The following NUDCD3 variants were observed in gnomAD, a reference collection of about 807,000 sequenced individuals.
NUDCD3 encodes the protein NudC domain containing 3.
NUDCD3 carries 13 observed loss-of-function variants against 39.7 expected under a neutral mutation model. The observed-to-expected ratio is 0.33, with a 90% CI of 0.21 to 0.52. The LOEUF (loss-of-function observed/expected upper bound fraction) is 0.52, where lower values mean the gene tolerates loss of function less well. Among genes scored for constraint, NUDCD3 ranks in the 20% least tolerant of loss-of-function variants. The probability of loss-of-function intolerance (pLI) is 0.96; values close to 1 mark genes in which losing one functional copy is unlikely to be tolerated. For missense variants in NUDCD3, 453 were observed against 458.1 expected (o/e 0.99, Z 0.10); for synonymous variants, 175 against 172.4 (o/e 1.02, Z -0.12).
chr7:44,418,725 C>G (rs931250577), intron 3 of NUDCD3, among the ~76,000 whole-genome samples: 1 of 151,962 alleles, frequency 6.6e-6, no homozygotes, highest in Non-Finnish European at 1.5e-5. Flanking sequence ...ACTGAGGTAC[C>G]CTGTTCATCT....
chr7:44,423,009 T>C (rs916407997), intron 3 of NUDCD3, among the ~76,000 whole-genome samples: 3 of 152,152 alleles, frequency 2.0e-5, no homozygotes, highest in Admixed American at 1.3e-4. Flanking sequence ...ATAAATGTAA[T>C]CCATCACATA....
chr7:44,453,636 T>C (rs899945216), intron 2 of NUDCD3, among the ~76,000 whole-genome samples: 1 of 152,052 alleles, frequency 6.6e-6, no homozygotes, highest in Non-Finnish European at 1.5e-5. Context: ...CAATCACAGA[T>C]CCAGGTAATA....
chr7:44,391,297 C>G (rs1798510385), intron 5 of NUDCD3, among the ~76,000 whole-genome samples: 1 of 152,190 alleles, frequency 6.6e-6, no homozygotes, highest in Admixed American at 6.5e-5. Flanking sequence ...GTTGACACTC[C>G]TCTCCGCAGG....
At chr7:44,389,318 C>T (rs943068633) in intron 5 of NUDCD3, among the ~76,000 whole-genome samples, 2 of 152,196 alleles carry the variant, frequency 1.3e-5, no homozygotes, top group African/African-American at 4.8e-5. Flanking sequence ...GTTGCCTCGG[C>T]TTACCTGGAA....
At chr7:44,409,282 T>C (rs1287302496) in intron 3 of NUDCD3, among the ~76,000 whole-genome samples, 2 of 152,192 alleles carry the variant, frequency 1.3e-5, no homozygotes, top group African/African-American at 2.4e-5. Flanking sequence ...AATGAAGGTA[T>C]GCTCCAACAG....
At chr7:44,471,797 C>T (rs1403735770) in intron 2 of NUDCD3, 1 of 152,180 alleles carries the variant, frequency 6.6e-6, no homozygotes, top group Non-Finnish European at 1.5e-5. Flanking sequence ...AGGTGCTCAT[C>T]CGGACTCCAT....
chr7:44,397,065 CA>C (rs1310371438), intron 4 of NUDCD3, among the ~76,000 whole-genome samples: 4 of 152,318 alleles, frequency 2.6e-5, no homozygotes, highest in African/African-American at 9.6e-5. Flanking sequence ...CTGCTACAAT[CA>C]ACCCACATCC....
At chr7:44,488,063 G>A (rs147764130) in intron 1 of NUDCD3, among the ~76,000 whole-genome samples, 1 of 152,200 alleles carries the variant, frequency 6.6e-6, no homozygotes, top group African/African-American at 2.4e-5. Flanking sequence ...TTGGCCAGGC[G>A]CAGTGGCTCA....
chr7:44,400,155 C>A (rs980815577), intron 4 of NUDCD3, among the ~76,000 whole-genome samples: 5 of 152,178 alleles, frequency 3.3e-5, no homozygotes, highest in Non-Finnish European at 7.3e-5. Context: ...GGGGACTGAA[C>A]GAGCTATCGG....
chr7:44,410,734 C>T (rs898520297), intron 3 of NUDCD3, among the ~76,000 whole-genome samples: 6 of 151,560 alleles, frequency 4.0e-5, no homozygotes, highest in Admixed American at 1.3e-4. Flanking sequence ...TCTGGGAGGC[C>T]GAGGCAGGCA....
intron 2 of NUDCD3, among the ~76,000 whole-genome samples, chr7:44,483,754 G>GA (rs565423243): frequency 3.5e-4 from 52 of 148,310 alleles, no homozygotes; most frequent in African/African-American, 6.7e-4. Context: ...TCATTAACTA[G>GA]AAAAAAAAAC....
intron 2 of NUDCD3, among the ~76,000 whole-genome samples, chr7:44,441,099 C>G (rs373191789): frequency 6.6e-6 from 1 of 152,224 alleles, no homozygotes; most frequent in Non-Finnish European, 1.5e-5. Flanking sequence ...CTATTCACAG[C>G]ACTTGATATA....
intron 2 of NUDCD3, among the ~76,000 whole-genome samples, chr7:44,435,645 A>G (rs1261445531): frequency 1.3e-5 from 2 of 152,196 alleles, no homozygotes; most frequent in African/African-American, 4.8e-5. Flanking sequence ...GTAAAACACA[A>G]TGAGAACATC....
intron 2 of NUDCD3, among the ~76,000 whole-genome samples, chr7:44,441,068 T>C (rs1037968079): frequency 2.0e-5 from 3 of 152,184 alleles, no homozygotes; most frequent in Non-Finnish European, 4.4e-5. Flanking sequence ...TTTCTCTCCA[T>C]AATTTCCCTG....
intron 3 of NUDCD3, among the ~76,000 whole-genome samples, chr7:44,412,859 G>A (rs1460160200): frequency 6.7e-6 from 1 of 150,194 alleles, no homozygotes; most frequent in Admixed American, 6.6e-5. Flanking sequence ...CCCAGGGGGC[G>A]GAGCTTGCAG....
intron 2 of NUDCD3, among the ~76,000 whole-genome samples, chr7:44,437,612 GA>G (rs1227338504): frequency 6.6e-6 from 1 of 152,164 alleles, no homozygotes; most frequent in Non-Finnish European, 1.5e-5. Context: ...CAGCCCCACT[GA>G]TACTGTTTGA....
At chr7:44,452,664 T>G (rs923775802) in intron 2 of NUDCD3, among the ~76,000 whole-genome samples, 1 of 152,130 alleles carries the variant, frequency 6.6e-6, no homozygotes, top group Non-Finnish European at 1.5e-5. Context: ...GGTCATAAGA[T>G]CACTCATTTG....
chr7:44,404,987 A>T (rs537054156), intron 3 of NUDCD3, among the ~76,000 whole-genome samples: 1 of 152,280 alleles, frequency 6.6e-6, no homozygotes, highest in African/African-American at 2.4e-5. Flanking sequence ...CCTGGACCAC[A>T]GCAACCAAGA....
chr7:44,467,266 C>G (rs1049794735), intron 2 of NUDCD3, among the ~76,000 whole-genome samples: 1 of 152,170 alleles, frequency 6.6e-6, no homozygotes, highest in Non-Finnish European at 1.5e-5. Flanking sequence ...CCACAGAGAT[C>G]GGTGTGAAAT....
Sources: allele counts gnomAD v4.1 joint callset (sites outside exome capture counted in the v4.1 genomes callset), GRCh38; gene constraint gnomAD v4.1.1; transcripts MANE v1.5; gene names NCBI Gene and HGNC (gene_info 2026-07-23, HGNC 2026-07-21).